Variants in TSPAN5 observed in about 807,000 individuals in gnomAD.
The protein encoded by TSPAN5 is tetraspanin 5.
Under a neutral mutation model 37.1 loss-of-function variants are expected in TSPAN5, and 10 were observed. The observed-to-expected ratio is 0.27, with a 90% confidence interval of 0.17 to 0.46. The LOEUF (loss-of-function observed/expected upper bound fraction) is 0.46. Ranked by LOEUF, TSPAN5 falls within the 20% of genes least tolerant of loss-of-function variation. The pLI is 1.00. For missense variants in TSPAN5, 195 were observed against 326.6 expected, an observed-to-expected ratio of 0.60 and a Z score of 3.11; for synonymous variants, 110 against 118.9, an observed-to-expected ratio of 0.93 and a Z score of 0.48.
chr4:98,565,024 G>A (rs1754969852), intron 1 of TSPAN5, among the ~76,000 whole-genome samples: 2 of 152,140 alleles, frequency 1.3e-5, no homozygotes, highest in Admixed American at 1.3e-4. Context: ...CCCTGGAAGT[G>A]CTACAACAGC....
At chr4:98,491,830 T>A (rs749570176) in intron 2 of TSPAN5, among the ~76,000 whole-genome samples, 2 of 152,260 alleles carry the variant, frequency 1.3e-5, no homozygotes, top group South Asian at 4.1e-4. Flanking sequence ...TCAGCTCAAT[T>A]TGACAGATGA....
At chr4:98,657,447 A>G (rs1042013185) in intron 1 of TSPAN5, 1 of 152,290 alleles carries the variant, frequency 6.6e-6, no homozygotes, top group Non-Finnish European at 1.5e-5. Context: ...ACACTGAAAT[A>G]TATGTTGACG....
intron 1 of TSPAN5, among the ~76,000 whole-genome samples, chr4:98,512,454 C>T (rs569955329): frequency 3.3e-5 from 5 of 152,242 alleles, no homozygotes; most frequent in African/African-American, 1.2e-4. Context: ...GTTTTCCCAC[C>T]TAGGAATGAG....
intron 1 of TSPAN5, among the ~76,000 whole-genome samples, chr4:98,576,565 A>T (rs539840820): frequency 6.6e-6 from 1 of 152,030 alleles, no homozygotes; most frequent in Admixed American, 6.6e-5. Context: ...AAAACTAAAA[A>T]ATTAGCCAGG....
rs76427464 is a variant in TSPAN5, at chr4:98,520,347, T to C, written c.82-12619A>G. Reference sequence around the variant, plus strand: ...ACAAGAAAGCATTAAAAAAGTAACTTCCCTCAACTCAAATGAGTCCAGCAT... The same window carrying C: ...ACAAGAAAGCATTAAAAAAGTAACTCCCCTCAACTCAAATGAGTCCAGCAT... On this transcript the variant is annotated intron_variant, in intron 1 of 7. Transcript: ENST00000305798. 1.6e-3 allele frequency among the ~76,000 whole-genome samples: 240 copies of C among 152,172 alleles called. 4 individuals are homozygous for C. The East Asian group carries it at 0.027, about 17-fold the overall frequency.
intron 2 of TSPAN5, among the ~76,000 whole-genome samples, chr4:98,499,801 C>T (rs1406578185): frequency 2.0e-5 from 3 of 151,822 alleles, no homozygotes; most frequent in Admixed American, 2.0e-4. Flanking sequence ...GCTGGGACTA[C>T]AGGCGCCTGC....
chr4:98,548,550 G>T lies in TSPAN5; in HGVS notation c.82-40822C>A, dbSNP rs533840123. On this transcript the variant is annotated intron_variant, in intron 1 of 7. Transcript: ENST00000305798. ...TAAAATTTAAAAATACATGTAGGGA[G>T]TTCAAGTGCAGATTTCTTACATGCA... Among the ~76,000 whole-genome samples the T allele has an allele frequency of 4.8e-4, 73 of 152,124 alleles. 1 individual carries two copies. In the South Asian group the frequency reaches 0.014, roughly 30 times the overall value.
At chr4:98,611,470 G>A (rs1756188176) in intron 1 of TSPAN5, among the ~76,000 whole-genome samples, 1 of 152,150 alleles carries the variant, frequency 6.6e-6, no homozygotes, top group Non-Finnish European at 1.5e-5. Flanking sequence ...AAGGAAATCT[G>A]CCATACCAGA....
At chr4:98,533,543 C>CTTTTTTTTTTTTTTTGT in intron 1 of TSPAN5, among the ~76,000 whole-genome samples, 1 of 58,582 alleles carries the variant, frequency 1.7e-5, no homozygotes, top group Non-Finnish European at 2.7e-5. Context: ...TCCCCTATAT[C>CTTTTTTTTTTTTTTTGT]TTTTTTTTTT....
chr4:98,564,104 G>T (rs951903216), intron 1 of TSPAN5, among the ~76,000 whole-genome samples: 1 of 152,156 alleles, frequency 6.6e-6, no homozygotes, highest in African/African-American at 2.4e-5. Context: ...CTATATTGAA[G>T]AAATGGGCAA....
At chr4:98,655,021 T>C in intron 1 of TSPAN5, among the ~76,000 whole-genome samples, 1 of 152,124 alleles carries the variant, frequency 6.6e-6, no homozygotes, top group Non-Finnish European at 1.5e-5. Context: ...TAGTTTTTTG[T>C]ATTTCAGTAG....
intron 1 of TSPAN5, among the ~76,000 whole-genome samples, chr4:98,517,446 C>T (rs866086628): frequency 7.2e-5 from 11 of 152,060 alleles, no homozygotes; most frequent in Middle Eastern, 3.4e-3. Context: ...TTGGAGGTAT[C>T]CAAGCATTTT....
chr4:98,598,654 G>A (rs10020471), intron 1 of TSPAN5, among the ~76,000 whole-genome samples: 2,743 of 152,128 alleles, frequency 0.018, 68 homozygotes, highest in African/African-American at 0.063. Context: ...TAGAGATGGG[G>A]TTTCACCATG....
chr4:98,602,655 C>T (rs528561608), intron 1 of TSPAN5, among the ~76,000 whole-genome samples: 1 of 152,292 alleles, frequency 6.6e-6, no homozygotes, highest in East Asian at 1.9e-4. Context: ...ACATTTTTCT[C>T]CTTTCCCTCT....
At chr4:98,644,442 T>G (rs918220391) in intron 1 of TSPAN5, among the ~76,000 whole-genome samples, 2 of 152,200 alleles carry the variant, frequency 1.3e-5, no homozygotes, top group Non-Finnish European at 2.9e-5. Flanking sequence ...AATATTATTG[T>G]AGTAAATTTC....
chr4:98,652,980 C>T (rs1579057764), intron 1 of TSPAN5, among the ~76,000 whole-genome samples: 1 of 152,298 alleles, frequency 6.6e-6, no homozygotes, highest in East Asian at 1.9e-4. Flanking sequence ...GGAGTGGCCA[C>T]ACTAAGCAAG....
At chr4:98,654,584 G>A (rs1413432110) in intron 1 of TSPAN5, among the ~76,000 whole-genome samples, 1 of 152,026 alleles carries the variant, frequency 6.6e-6, no homozygotes, top group East Asian at 1.9e-4. Context: ...TATAACAGAG[G>A]AAACAAGTTT....
chr4:98,590,720 AAAAG>A (rs565418185), intron 1 of TSPAN5, among the ~76,000 whole-genome samples: 149 of 151,590 alleles, frequency 9.8e-4, no homozygotes, highest in African/African-American at 3.5e-3. Flanking sequence ...AAAAAAAAAA[AAAAG>A]AGAGAGAGAG....
chr4:98,479,698 T>C (rs943764846), intron 4 of TSPAN5, among the ~76,000 whole-genome samples: 2 of 152,212 alleles, frequency 1.3e-5, no homozygotes, highest in Non-Finnish European at 2.9e-5. Context: ...TCTAACTGGT[T>C]GTGTAGCTTC....
Sources: allele counts gnomAD v4.1 joint callset (sites outside exome capture counted in the v4.1 genomes callset), GRCh38; gene constraint gnomAD v4.1.1; transcripts MANE v1.5; gene names NCBI Gene and HGNC (gene_info 2026-07-23, HGNC 2026-07-21).